MGRN1: variants seen among roughly 807,000 people sequenced by gnomAD.
MGRN1 encodes E3 ubiquitin-protein ligase MGRN1.
A neutral mutation model predicts 69.2 loss-of-function variants in MGRN1; 29 were observed. That is an observed-to-expected ratio of 0.42 (90% CI 0.31 to 0.57). The LOEUF is 0.57. Ranked by LOEUF, MGRN1 falls within the 20% of genes least tolerant of loss-of-function variation. The probability of loss-of-function intolerance (pLI) is 0.15; values close to 1 mark genes in which losing one functional copy is unlikely to be tolerated. For missense variants in MGRN1, 998 were observed against 796.2 expected (o/e 1.25, Z -3.05); for synonymous variants, 470 against 344.2 (o/e 1.37, Z -4.04).
At position 4,688,992 on chromosome 16, in the gene MGRN1, C is replaced by T. The variant is rs766688899; in HGVS notation, c.*84C>T. On this transcript the variant is annotated 3_prime_UTR_variant, in exon 17 of 17. Transcript: ENST00000262370. ...GCTCCGGACCCCGTTGTGAGCCGGC[C>T]TCCTGTCTGCATGCCCCCTGTGGCC... is the stretch of plus-strand genomic sequence containing the variant. 28 of 1,449,188 alleles carry T rather than the reference C, an allele frequency of 1.9e-5. No homozygotes were observed. Among genetic ancestry groups the T allele is most frequent in the East Asian group, 2.5e-5 (1 of 39,710 alleles). 89.8% of individuals were successfully genotyped at this position (1,449,188 alleles called of 1,614,324 possible). A position where few individuals can be genotyped will look rare whatever the true frequency, so the allele number is the denominator to read the frequency against.
At chr16:4,649,126 C>G (rs1422803328) in intron 1 of MGRN1, 1 of 152,532 alleles carries the variant, frequency 6.6e-6, no homozygotes. Flanking sequence ...GTGCCAGGGT[C>G]CTGATGGGCG....
intron 12 of MGRN1, chr16:4,681,291 C>G: frequency 1.9e-6 from 1 of 513,710 alleles, no homozygotes; most frequent in Non-Finnish European, 3.4e-6. Context: ...GAGGCCAGGG[C>G]TGGGGCGGTT....
intron 1 of MGRN1, among the ~76,000 whole-genome samples, chr16:4,647,774 G>A (rs113779349): frequency 2.0e-5 from 3 of 152,144 alleles, no homozygotes; most frequent in Non-Finnish European, 4.4e-5. Flanking sequence ...AGCAGTTGCC[G>A]CTTTCTTCTT....
At chr16:4,662,327 C>T (rs1296080423) in intron 5 of MGRN1, among the ~76,000 whole-genome samples, 1 of 152,018 alleles carries the variant, frequency 6.6e-6, no homozygotes, top group Non-Finnish European at 1.5e-5. Context: ...CCAGCTTGGC[C>T]AACATGGTGA....
At chr16:4,679,693 C>G (rs971244853) in intron 11 of MGRN1, among the ~76,000 whole-genome samples, 2 of 151,886 alleles carry the variant, frequency 1.3e-5, no homozygotes, top group Admixed American at 1.3e-4. Context: ...TGCACCCAGC[C>G]TGCATTAGGC....
chr16:4,688,460 C>A, intron 16 of MGRN1: 1 of 1,110,480 alleles, frequency 9.0e-7, no homozygotes, highest in East Asian at 5.3e-5. Flanking sequence ...AGTGGCTGGC[C>A]ACATCCCAGG....
chr16:4,660,065 A>G (rs888114309), intron 5 of MGRN1, among the ~76,000 whole-genome samples: 6 of 152,236 alleles, frequency 3.9e-5, no homozygotes, highest in Non-Finnish European at 5.9e-5. Context: ...AGGGGCTCAG[A>G]TGCTGGGCCA....
chr16:4,681,721 C>T lies in MGRN1; in HGVS notation c.1303C>T (p.His435Tyr), dbSNP rs1312240877. Residue 435 changes from histidine (H) to tyrosine (Y), a missense_variant, in exon 13 of 17, where the codon CAC becomes TAC. Transcript: ENST00000262370. ...CAGCTGTCCCCTCGCGGCTATCGAC[C>T]ACATCCTGGACAGCAGCCGCCAGAA... ...QASCPLAAID[H>Y]ILDSSRQKGR... is the part of the protein sequence containing the mutation. 3 of 1,613,094 alleles carry T rather than the reference C, an allele frequency of 1.9e-6. No homozygotes were observed. The highest frequency in any genetic ancestry group is 2.5e-6 in the Non-Finnish European group (3 of 1,179,910).
At chr16:4,665,176 TC>T (rs1057152118) in intron 7 of MGRN1, 25 bp downstream of exon 7, 3 of 1,613,794 alleles carry the variant, frequency 1.9e-6, no homozygotes, top group Non-Finnish European at 2.5e-6. Context: ...GCCATCACTT[TC>T]CCGGGGACCT....
rs371649108 is a variant in MGRN1 at position 4,665,115 on chromosome 16, T to C, written c.642T>C (p.Thr214=). ...TCTCCCCAGCAGTGGTGGAAGTGAC[T>C]GGCCACGCCCACGTGCTCTTGGCTG... ...VVDEGDVVEV[T]GHAHVLLAAF... Residue 214 remains threonine, a synonymous_variant, in exon 7 of 17, where the codon ACT becomes ACC. Transcript: ENST00000262370. 11 of 1,614,082 alleles carry C rather than the reference T, an allele frequency of 6.8e-6. No individual in the cohort carries two copies. In the African/African-American group the frequency reaches 8.0e-5, roughly 12 times the overall value.
intron 9 of MGRN1, among the ~76,000 whole-genome samples, chr16:4,671,824 T>C (rs1175244246): frequency 2.6e-5 from 4 of 152,222 alleles, no homozygotes; most frequent in Admixed American, 1.3e-4. Context: ...TTATTCTGTA[T>C]GTCCATAGAA....
chr16:4,639,590 A>G (rs976481997), intron 1 of MGRN1, among the ~76,000 whole-genome samples: 2 of 152,206 alleles, frequency 1.3e-5, no homozygotes, highest in African/African-American at 4.8e-5. Flanking sequence ...TCCTGTCCCC[A>G]GATGCACAGC....
chr16:4,629,763 C>T (rs1897901626), intron 1 of MGRN1, among the ~76,000 whole-genome samples: 1 of 147,668 alleles, frequency 6.8e-6, no homozygotes, highest in South Asian at 2.1e-4. Context: ...ATCATACAGG[C>T]GGCTGGGTGT....
chr16:4,657,388 G>C lies in MGRN1; in HGVS notation c.561+25G>C, dbSNP rs571651384. On this transcript the variant is annotated intron_variant, in intron 5 of 16. Coordinates refer to ENST00000262370, the MANE Select transcript of MGRN1 (RefSeq NM_015246.4). ...GGTAATGCTGGCTGGGCGGCTCCTT[G>C]CCCTTCGCTCCTCCTGAATTCTCTC... is the stretch of plus-strand genomic sequence containing the variant. 8.1e-6 allele frequency: 13 copies of C among 1,599,156 alleles called. No individual in the cohort carries two copies. The East Asian group carries it at 2.9e-4, about 36-fold the overall frequency.
intron 1 of MGRN1, among the ~76,000 whole-genome samples, chr16:4,643,213 G>C (rs1269455400): frequency 6.6e-6 from 1 of 151,844 alleles, no homozygotes; most frequent in South Asian, 2.1e-4. Context: ...ACTCCTCTCG[G>C]CCTCCCAGAG....
Position 4,624,956 on chromosome 16 carries a change from G to A in MGRN1, c.-5G>A, listed in dbSNP as rs551343817. The A allele has an allele frequency of 3.9e-6, 6 of 1,543,030 alleles. No individual in the cohort carries two copies. The highest frequency in any genetic ancestry group is 2.0e-5 in the Admixed American group (1 of 50,938). ...TGGCCCCTCTGCCCGGCAGCGCCGC[G>A]CACCATGGGCTCCATTCTCAGCCGC... On this transcript the variant is annotated 5_prime_UTR_variant, in exon 1 of 17. Coordinates refer to ENST00000262370, the MANE Select transcript of MGRN1 (RefSeq NM_015246.4).
intron 2 of MGRN1, 143 bp from the exon 3 acceptor site, chr16:4,651,820 G>A (rs2078412778): frequency 2.9e-5 from 21 of 722,090 alleles, no homozygotes; most frequent in South Asian, 1.3e-4. Flanking sequence ...CTGTAAATGA[G>A]AACAGTGCAC....
chr16:4,639,586 C>T (rs774856407), intron 1 of MGRN1, among the ~76,000 whole-genome samples: 2 of 152,316 alleles, frequency 1.3e-5, no homozygotes, highest in East Asian at 1.9e-4. Context: ...GGCATCCTGT[C>T]CCCAGATGCA....
intron 5 of MGRN1, among the ~76,000 whole-genome samples, chr16:4,657,575 G>A (rs1031434677): frequency 6.6e-6 from 1 of 152,194 alleles, no homozygotes; most frequent in Non-Finnish European, 1.5e-5. Context: ...ACCAGAGGCC[G>A]ACCAGGCAGC....
Sources: allele counts gnomAD v4.1 joint callset (sites outside exome capture counted in the v4.1 genomes callset), GRCh38; gene constraint gnomAD v4.1.1; transcripts MANE v1.5; gene names NCBI Gene and HGNC (gene_info 2026-07-23, HGNC 2026-07-21).